RALGPS2: variants seen among roughly 807,000 people sequenced by gnomAD.
The protein encoded by RALGPS2 is ras-specific guanine nucleotide-releasing factor RalGPS2.
A neutral mutation model predicts 86.8 loss-of-function variants in RALGPS2; 43 were observed. That is an observed-to-expected ratio of 0.50 (90% CI 0.39 to 0.64). The LOEUF is 0.64. RALGPS2 is among the 30% of genes least tolerant of loss of function. The pLI, the probability that RALGPS2 is intolerant of heterozygous loss-of-function variation, is 0.00. For synonymous variants in RALGPS2, 243 were observed against 231.3 expected (o/e 1.05, Z -0.46); for missense variants, 536 against 694.6 (o/e 0.77, Z 2.57).
intron 8 of RALGPS2, among the ~76,000 whole-genome samples, chr1:178,863,418 T>C (rs1245365126): frequency 6.6e-6 from 1 of 152,222 alleles, no homozygotes; most frequent in Non-Finnish European, 1.5e-5. Flanking sequence ...TAATATCATA[T>C]AGAAAACATG....
chr1:178,784,273 C>A, intron 2 of RALGPS2, 145 bp from the exon 3 acceptor site: 1 of 466,558 alleles, frequency 2.1e-6, no homozygotes, highest in Non-Finnish European at 3.7e-6. Context: ...GGTACTCTAA[C>A]AACTAAGCAG....
intron 4 of RALGPS2, among the ~76,000 whole-genome samples, chr1:178,791,180 G>A (rs1163186368): frequency 6.6e-6 from 1 of 152,006 alleles, no homozygotes; most frequent in African/African-American, 2.4e-5. Context: ...GATTGCAGTG[G>A]CATGATCACG....
At chr1:178,874,058 A>G (rs564392697) in intron 8 of RALGPS2, among the ~76,000 whole-genome samples, 1 of 152,222 alleles carries the variant, frequency 6.6e-6, no homozygotes, top group African/African-American at 2.4e-5. Context: ...CCACACATAC[A>G]ATAAAATATG....
At chr1:178,776,116 T>C (rs1230550558) in intron 1 of RALGPS2, among the ~76,000 whole-genome samples, 1 of 152,198 alleles carries the variant, frequency 6.6e-6, no homozygotes, top group Non-Finnish European at 1.5e-5. Flanking sequence ...TGCACCATTA[T>C]ATAAGGGCCT....
chr1:178,830,034 C>T (rs1466912093), intron 7 of RALGPS2, among the ~76,000 whole-genome samples: 4 of 152,092 alleles, frequency 2.6e-5, no homozygotes, highest in South Asian at 2.1e-4. Flanking sequence ...CTTGAGCCAC[C>T]GTGTCCAGCC....
intron 8 of RALGPS2, among the ~76,000 whole-genome samples, chr1:178,876,322 TAA>T (rs1258132555): frequency 6.6e-6 from 1 of 152,188 alleles, no homozygotes; most frequent in Non-Finnish European, 1.5e-5. Context: ...AATTTTTTTT[TAA>T]ATTGGGCTAT....
chr1:178,736,013 G>A lies in RALGPS2; in HGVS notation c.-84+10594G>A, dbSNP rs545278273. Among the ~76,000 whole-genome samples the A allele has an allele frequency of 4.6e-5, 7 of 151,434 alleles. No individual in the cohort carries two copies. The South Asian group carries it at 1.3e-3, about 27-fold the overall frequency. On this transcript the variant is annotated intron_variant, in intron 1 of 19. Transcript: ENST00000367635. ...TTTCCTTTTGATGAATTCCTAAAAA[G>A]GGAGTTATTTGGAGGTTAAGTATGT...
In RALGPS2 at chr1:178,789,571, C is replaced by T. The variant is rs181027545; in HGVS notation, c.213+3964C>T. 3.0e-3 allele frequency among the ~76,000 whole-genome samples: 454 copies of T among 152,282 alleles called. 2 individuals carry two copies. Among genetic ancestry groups the T allele is most frequent in the African/African-American group, 0.01 (417 of 41,558 alleles). On this transcript the variant is annotated intron_variant, in intron 4 of 19. Coordinates refer to ENST00000367635, the MANE Select transcript of RALGPS2 (RefSeq NM_152663.5). Reference sequence around the variant, plus strand: ...TTGCAGGAGTTTGGCTTTGGACATACTTATTTTGACATGCCTGTTAGACAG... The same window carrying T: ...TTGCAGGAGTTTGGCTTTGGACATATTTATTTTGACATGCCTGTTAGACAG...
At chr1:178,885,774 G>A (rs41302099) in intron 12 of RALGPS2, among the ~76,000 whole-genome samples, 195 bp from the exon 13 acceptor site, 4,269 of 152,264 alleles carry the variant, frequency 0.028, 70 homozygotes, top group Non-Finnish European at 0.044. Flanking sequence ...TTATTTTAAA[G>A]TATGCTCTAA....
rs146127440 is a variant in RALGPS2 at position 178,891,708 on chromosome 1, A to G, written c.1248-522A>G. On this transcript the variant is annotated intron_variant, in intron 14 of 19. Coordinates refer to ENST00000367635, the MANE Select transcript of RALGPS2 (RefSeq NM_152663.5). ...TTAATGTAGAAATAATATAACGCCTATATTACTCAGTTCATTTCTTTTATT... is the reference window on the plus strand; with the variant it reads ...TTAATGTAGAAATAATATAACGCCTGTATTACTCAGTTCATTTCTTTTATT... 6.6e-4 allele frequency among the ~76,000 whole-genome samples: 100 copies of G among 152,162 alleles called. No individual in the cohort carries two copies. In the East Asian group the frequency reaches 0.01, roughly 16 times the overall value.
Position 178,790,012 on chromosome 1 carries a change from A to G in RALGPS2, c.213+4405A>G, listed in dbSNP as rs148949750. On this transcript the variant is annotated intron_variant, in intron 4 of 19. Coordinates refer to ENST00000367635, the MANE Select transcript of RALGPS2 (RefSeq NM_152663.5). Reference sequence around the variant, plus strand: ...TCCCCAGGTTGTAGTGCAGCGGCGCAATGACGGCTCACTGCAGCCAGGACC... The same window carrying G: ...TCCCCAGGTTGTAGTGCAGCGGCGCGATGACGGCTCACTGCAGCCAGGACC... 5.9e-4 allele frequency among the ~76,000 whole-genome samples: 90 copies of G among 152,162 alleles called. 1 individual carries two copies. Among genetic ancestry groups the G allele is most frequent in the African/African-American group, 2.1e-3 (88 of 41,522 alleles).
At chr1:178,855,938 A>G (rs1657505591) in intron 8 of RALGPS2, among the ~76,000 whole-genome samples, 1 of 149,090 alleles carries the variant, frequency 6.7e-6, no homozygotes, top group African/African-American at 2.4e-5. Flanking sequence ...TTGAATATAT[A>G]TACATTTTAT....
intron 1 of RALGPS2, among the ~76,000 whole-genome samples, chr1:178,765,502 T>G (rs1171364042): frequency 6.6e-6 from 1 of 152,044 alleles, no homozygotes; most frequent in East Asian, 1.9e-4. Flanking sequence ...ACAAGGCAAA[T>G]GGAGGCAGGG....
intron 4 of RALGPS2, among the ~76,000 whole-genome samples, chr1:178,805,619 CTG>C (rs1654704568): frequency 6.6e-6 from 1 of 152,042 alleles, no homozygotes; most frequent in Non-Finnish European, 1.5e-5. Context: ...GAATTTATGT[CTG>C]TTTTTCACAT....
rs747971729 is a variant in RALGPS2 at position 178,886,075 on chromosome 1, C to G, written c.1147C>G (p.Arg383Gly). 352 of 1,613,316 alleles carry G rather than the reference C, an allele frequency of 2.2e-4. No individual in the cohort carries two copies. The highest frequency in any genetic ancestry group is 4.5e-4 in the Admixed American group (27 of 59,896). Residue 383 changes from arginine (R) to glycine (G), a missense_variant, in exon 13 of 20, where the codon CGA becomes GGA. Arg to Gly is a moderately radical substitution (Grantham distance 125). This residue lies in a region of RALGPS2 where 309 missense variants were observed against 363.0 expected (regional missense o/e 0.85). Transcript: ENST00000367635. Reference protein sequence around the residue: ...DSVMEPHAPSRGQAESSTLSS... With the variant: ...DSVMEPHAPSGGQAESSTLSS... ...CGTCATGGAGCCCCATGCGCCATCT[C>G]GAGGCCAAGCTGAAAGTTCTACTCT...
chr1:178,742,948 G>A (rs1651115475), intron 1 of RALGPS2, among the ~76,000 whole-genome samples: 2 of 152,206 alleles, frequency 1.3e-5, no homozygotes, highest in African/African-American at 2.4e-5. Context: ...GGTTGTGGTG[G>A]CCCATGCCTG....
chr1:178,780,351 T>G (rs776500492), intron 2 of RALGPS2, among the ~76,000 whole-genome samples: 2 of 152,228 alleles, frequency 1.3e-5, no homozygotes, highest in African/African-American at 4.8e-5. Flanking sequence ...TTTGGTCGTT[T>G]ATTATTTCTT....
chr1:178,821,770 C>T (rs1468313876), intron 7 of RALGPS2, 66 bp downstream of exon 7: 14 of 1,198,272 alleles, frequency 1.2e-5, no homozygotes, highest in Non-Finnish European at 1.7e-5. Flanking sequence ...ATATTCATTT[C>T]CTTTGTAATT....
intron 17 of RALGPS2, among the ~76,000 whole-genome samples, chr1:178,899,647 G>T (rs113033035): frequency 0.035 from 4,579 of 131,848 alleles, 298 homozygotes; most frequent in African/African-American, 0.17. Flanking sequence ...TTTGGTTTTG[G>T]TTTTGGTTTT....
Sources: gnomAD v4.1 joint callset for allele counts (sites outside exome capture counted in the v4.1 genomes callset) on GRCh38, gnomAD v4.1.1 for gene constraint, gnomAD v4.1.1 regional missense constraint, MANE v1.5 for transcripts, NCBI Gene and HGNC (gene_info 2026-07-23, HGNC 2026-07-21) for gene names.